NELL1: variants seen among roughly 807,000 people sequenced by gnomAD.
The protein encoded by NELL1 is protein kinase C-binding protein NELL1.
In NELL1, 76 loss-of-function variants were observed where a neutral mutation model predicts 107.4. The observed-to-expected ratio is 0.71, with a 90% CI of 0.59 to 0.86. NELL1 has a LOEUF of 0.86. NELL1 is among the 40% of genes least tolerant of loss of function. The probability of loss-of-function intolerance (pLI) is 0.00; values close to 1 mark genes in which losing one functional copy is unlikely to be tolerated. For synonymous variants in NELL1, 353 were observed against 341.2 expected, an observed-to-expected ratio of 1.03 and a Z score of -0.38; for missense variants, 1,024 against 1,005.5, an observed-to-expected ratio of 1.02 and a Z score of -0.25.
chr11:20,927,933 T>C (rs947740203), intron 8 of NELL1, among the ~76,000 whole-genome samples: 1 of 152,180 alleles, frequency 6.6e-6, no homozygotes, highest in Non-Finnish European at 1.5e-5. Flanking sequence ...CTTCATCTGT[T>C]TCAGTGAATT....
chr11:20,986,699 G>A (rs147021348), intron 12 of NELL1, among the ~76,000 whole-genome samples: 43 of 151,754 alleles, frequency 2.8e-4, no homozygotes, highest in African/African-American at 9.9e-4. Flanking sequence ...TAGAATCACT[G>A]TTCTAGACAT....
intron 13 of NELL1, among the ~76,000 whole-genome samples, chr11:21,216,907 G>T (rs1430340775): frequency 6.6e-6 from 1 of 152,058 alleles, no homozygotes; most frequent in African/African-American, 2.4e-5. Context: ...AAATGAGAAG[G>T]CATGAGATTT....
chr11:21,471,352 C>G (rs1217465543), intron 15 of NELL1, among the ~76,000 whole-genome samples: 1 of 152,036 alleles, frequency 6.6e-6, no homozygotes, highest in African/African-American at 2.4e-5. Context: ...CATTTTCTGT[C>G]TTGACCACTA....
chr11:20,846,902 A>G (rs1848710157), intron 3 of NELL1, among the ~76,000 whole-genome samples: 1 of 152,196 alleles, frequency 6.6e-6, no homozygotes, highest in Non-Finnish European at 1.5e-5. Flanking sequence ...GCATTTTATG[A>G]CTGAAGTGCA....
chr11:21,122,037 T>C (rs1287886718), intron 13 of NELL1, among the ~76,000 whole-genome samples: 2 of 152,184 alleles, frequency 1.3e-5, no homozygotes, highest in Non-Finnish European at 2.9e-5. Context: ...CTGAAAGACA[T>C]GTCTAGTGTT....
intron 12 of NELL1, among the ~76,000 whole-genome samples, chr11:20,987,845 C>T (rs1457485836): frequency 6.6e-6 from 1 of 152,088 alleles, no homozygotes; most frequent in Admixed American, 6.6e-5. Flanking sequence ...AGGATTGAAA[C>T]AATGTTTAAC....
chr11:21,530,564 A>C (rs1172611483), intron 15 of NELL1, among the ~76,000 whole-genome samples: 1 of 152,068 alleles, frequency 6.6e-6, no homozygotes, highest in South Asian at 2.1e-4. Flanking sequence ...TCATTGCAAC[A>C]ATTATAGAAA....
chr11:21,454,445 A>G (rs1020499703), intron 15 of NELL1, among the ~76,000 whole-genome samples: 3 of 152,096 alleles, frequency 2.0e-5, no homozygotes, highest in Non-Finnish European at 4.4e-5. Context: ...AAAACAGTAA[A>G]TTTATCTTTC....
chr11:21,532,719 G>A (rs2133968998), intron 15 of NELL1, among the ~76,000 whole-genome samples: 1 of 152,244 alleles, frequency 6.6e-6, no homozygotes, highest in South Asian at 2.1e-4. Context: ...GTTACAGAGA[G>A]TTATCCTTCA....
At chr11:21,538,117 C>A (rs1007724130) in intron 16 of NELL1, among the ~76,000 whole-genome samples, 2 of 151,988 alleles carry the variant, frequency 1.3e-5, no homozygotes, top group Non-Finnish European at 2.9e-5. Context: ...ATAACCCTTA[C>A]AATTTTTTTT....
At chr11:21,092,909 C>A (rs2138598) in intron 12 of NELL1, among the ~76,000 whole-genome samples, 36,194 of 151,700 alleles carry the variant, frequency 0.24, 4,738 homozygotes, top group Middle Eastern at 0.35. Context: ...TGCAGATGAA[C>A]GCAGAAATCT....
chr11:20,978,726 T>G (rs543955489), intron 12 of NELL1, among the ~76,000 whole-genome samples: 1 of 152,182 alleles, frequency 6.6e-6, no homozygotes, highest in Non-Finnish European at 1.5e-5. Flanking sequence ...GTAATAAACC[T>G]GTCCTTAGCA....
chr11:20,902,228 CAA>C (rs376372534), intron 5 of NELL1, among the ~76,000 whole-genome samples: 1 of 146,154 alleles, frequency 6.8e-6, no homozygotes, highest in African/African-American at 2.5e-5. Flanking sequence ...CAACAATTAG[CAA>C]AAAAAAAGTA....
chr11:20,983,198 T>G (rs1262903835), intron 12 of NELL1, among the ~76,000 whole-genome samples: 2 of 152,194 alleles, frequency 1.3e-5, no homozygotes, highest in East Asian at 3.9e-4. Flanking sequence ...ACACTCCATT[T>G]GCACCTTCTT....
chr11:20,848,552 G>GT (rs201817314), intron 4 of NELL1, among the ~76,000 whole-genome samples: 214 of 151,490 alleles, frequency 1.4e-3, no homozygotes, highest in African/African-American at 3.9e-3. Context: ...CAATTACAGA[G>GT]TTTTTTTTTG....
chr11:20,999,459 G>A (rs1852166252), intron 12 of NELL1, among the ~76,000 whole-genome samples: 1 of 152,158 alleles, frequency 6.6e-6, no homozygotes, highest in African/African-American at 2.4e-5. Flanking sequence ...GTGAATGTGG[G>A]CTTCCACTCA....
intron 13 of NELL1, among the ~76,000 whole-genome samples, chr11:21,160,269 A>T (rs1856333261): frequency 2.0e-5 from 3 of 152,228 alleles, no homozygotes; most frequent in Non-Finnish European, 1.5e-5. Context: ...TCCTCTGGGA[A>T]CTATTTTCTA....
chr11:21,476,261 C>A (rs1854330722), intron 15 of NELL1, among the ~76,000 whole-genome samples: 1 of 152,062 alleles, frequency 6.6e-6, no homozygotes, highest in African/African-American at 2.4e-5. Context: ...CATTGTCTTT[C>A]TTAACAAGGA....
intron 15 of NELL1, among the ~76,000 whole-genome samples, chr11:21,441,921 T>C (rs1853295525): frequency 6.6e-6 from 1 of 152,182 alleles, no homozygotes; most frequent in Non-Finnish European, 1.5e-5. Flanking sequence ...AATATTGATA[T>C]GTTACTTTTA....
Sources: allele counts gnomAD v4.1 joint callset (sites outside exome capture counted in the v4.1 genomes callset), GRCh38; gene constraint gnomAD v4.1.1; transcripts MANE v1.5; gene names NCBI Gene and HGNC (gene_info 2026-07-23, HGNC 2026-07-21).